HEG1: variants seen among roughly 807,000 people sequenced by gnomAD.
HEG1 encodes heart development protein with EGF like domains 1.
In HEG1, 56 loss-of-function variants were observed where a neutral mutation model predicts 125.6. That is an observed-to-expected ratio of 0.45 (90% CI 0.36 to 0.56). The LOEUF is 0.56. Among genes scored for constraint, HEG1 ranks in the 20% least tolerant of loss-of-function variants. HEG1 has a pLI of 0.00. For missense variants in HEG1, 1,523 were observed against 1,670.0 expected (o/e 0.91, Z 1.53); for synonymous variants, 644 against 668.5 (o/e 0.96, Z 0.57).
intron 5 of HEG1, 92 bp downstream of exon 5, chr3:125,019,170 C>G: frequency 9.2e-7 from 1 of 1,085,288 alleles, no homozygotes; most frequent in Admixed American, 2.1e-5. Flanking sequence ...GCTAGGCCCT[C>G]ATGCGTGGTT....
chr3:125,052,045 G>C (rs1170975440), intron 1 of HEG1, among the ~76,000 whole-genome samples: 1 of 152,120 alleles, frequency 6.6e-6, no homozygotes, highest in Admixed American at 6.5e-5. Flanking sequence ...GTGCACACAG[G>C]CTGAGGAAAG....
intron 15 of HEG1, among the ~76,000 whole-genome samples, chr3:124,974,648 G>T (rs1936503595): frequency 6.6e-6 from 1 of 152,148 alleles, no homozygotes; most frequent in Admixed American, 6.6e-5. Context: ...CAAATTGTTG[G>T]AATCTGTGTT....
At chr3:125,009,164 C>T (rs1025408732) in intron 8 of HEG1, among the ~76,000 whole-genome samples, 2 of 152,218 alleles carry the variant, frequency 1.3e-5, no homozygotes, top group African/African-American at 4.8e-5. Context: ...GTTAGGACAG[C>T]AGCTTTCTCA....
At chr3:125,028,934 G>A (rs1937455684) in intron 2 of HEG1, among the ~76,000 whole-genome samples, 1 of 152,118 alleles carries the variant, frequency 6.6e-6, no homozygotes, top group South Asian at 2.1e-4. Context: ...GGTGTGGCAG[G>A]CTCCCTGGAA....
chr3:125,017,431 T>G (rs933543404), intron 5 of HEG1, among the ~76,000 whole-genome samples: 1 of 152,218 alleles, frequency 6.6e-6, no homozygotes, highest in Non-Finnish European at 1.5e-5. Context: ...ACTAGACATA[T>G]TCAAAGAAGA....
chr3:124,979,277 T>C (rs1484726573), intron 14 of HEG1, among the ~76,000 whole-genome samples: 2 of 152,128 alleles, frequency 1.3e-5, no homozygotes, highest in Non-Finnish European at 2.9e-5. Flanking sequence ...CAGTTCTAGA[T>C]TTTTACTTGA....
intron 5 of HEG1, 62 bp from the exon 6 acceptor site, chr3:125,014,052 C>A: frequency 7.2e-7 from 1 of 1,385,488 alleles, no homozygotes; most frequent in Non-Finnish European, 9.7e-7. Context: ...GAAATATGCA[C>A]TATCAAACAG....
intron 12 of HEG1, among the ~76,000 whole-genome samples, chr3:124,993,361 T>C (rs1936862954): frequency 6.6e-6 from 1 of 152,210 alleles, no homozygotes; most frequent in African/African-American, 2.4e-5. Context: ...TAGAGCATAA[T>C]TGCATCCTGT....
chr3:124,970,618 G>A lies in HEG1; in HGVS notation c.*34C>T. The A allele has an allele frequency of 6.4e-7, 1 of 1,568,050 alleles. No individual in the cohort carries two copies. Among genetic ancestry groups the A allele is most frequent in the Non-Finnish European group, 8.7e-7 (1 of 1,153,924 alleles). ...CTCTGAGCAGAGGTCCCAGGTGACT[G>A]GCTCAGAGCAATGAGTCCCTCTCTC... On this transcript the variant is annotated 3_prime_UTR_variant, in exon 17 of 17. Coordinates refer to ENST00000311127, the MANE Select transcript of HEG1 (RefSeq NM_020733.2).
chr3:124,985,803 A>AGTCTTGC (rs1212573215), intron 14 of HEG1, among the ~76,000 whole-genome samples: 1 of 152,196 alleles, frequency 6.6e-6, no homozygotes, highest in East Asian at 1.9e-4. Flanking sequence ...TTTTTGAGAC[A>AGTCTTGC]GTCTTGCTCT....
chr3:124,993,661 T>C (rs1936868918), intron 12 of HEG1, among the ~76,000 whole-genome samples: 1 of 152,240 alleles, frequency 6.6e-6, no homozygotes. Flanking sequence ...GGCAGGCTGA[T>C]GTCACACCAG....
intron 8 of HEG1, among the ~76,000 whole-genome samples, chr3:125,005,957 T>A (rs946415452): frequency 6.6e-6 from 1 of 152,200 alleles, no homozygotes; most frequent in Non-Finnish European, 1.5e-5. Context: ...TTATCATTGA[T>A]AAAGGGGGCT....
Position 125,020,901 on chromosome 3 carries a change from C to G in HEG1, c.1143G>C (p.Ser381=), listed in dbSNP as rs774359727. ...TCCCAGTTACTCTACTGTTTCTTCT[C>G]GATTCCACTGCAGAGGGTGAAAGAA... ...SVLLSPSAVE[S]RRNSRVTGNP... Residue 381 remains serine (S), a synonymous_variant, in exon 4 of 17, where the codon TCG becomes TCC. Coordinates refer to ENST00000311127, the MANE Select transcript of HEG1 (RefSeq NM_020733.2). 2.5e-6 allele frequency: 4 copies of G among 1,614,002 alleles called. No individual in the cohort carries two copies. The highest frequency in any genetic ancestry group is 8.5e-7 in the Non-Finnish European group (1 of 1,179,886).
At chr3:124,989,279 GAACAAAGAA>G (rs1936791364) in intron 14 of HEG1, among the ~76,000 whole-genome samples, 1 of 152,030 alleles carries the variant, frequency 6.6e-6, no homozygotes, top group Non-Finnish European at 1.5e-5. Context: ...AAACCTTTAC[GAACAAAGAA>G]AACACCACTG....
rs374244555 is a variant in HEG1, at chr3:124,973,854, T to C, written c.3873A>G (p.Gln1291=). 614 of 1,613,044 alleles carry C rather than the reference T, an allele frequency of 3.8e-4. No homozygotes were observed. Among genetic ancestry groups the C allele is most frequent in the Non-Finnish European group, 5.0e-4 (585 of 1,179,382 alleles). Residue 1291 remains glutamine (Q), a synonymous_variant, in exon 16 of 17, where the codon CAA becomes CAG. Transcript: ENST00000311127. ...SKLIFKSGDF[Q]MSPYAEYPKN... is the part of the protein sequence containing the mutation. Reference sequence around the variant, plus strand: ...TGGGGTATTCAGCATACGGGGACATTTGGAAATCTCCACTTTTGAAGATGA... The same window carrying C: ...TGGGGTATTCAGCATACGGGGACATCTGGAAATCTCCACTTTTGAAGATGA...
chr3:125,009,715 T>A lies in HEG1; in HGVS notation c.3183A>T (p.Ile1061=), dbSNP rs1937122945. The A allele has an allele frequency of 1.2e-6, 2 of 1,612,984 alleles. No homozygotes were observed. The highest frequency in any genetic ancestry group is 1.3e-5 in the African/African-American group (1 of 75,052). The change falls in exon 8 of 17, where the codon ATA becomes ATT. Residue 1061 remains isoleucine, a synonymous_variant. Coordinates refer to ENST00000311127, the MANE Select transcript of HEG1 (RefSeq NM_020733.2). ...CPVGYQLEKG[I]CNLVRTFVTE... is the part of the protein sequence containing the mutation. ...GACTAAGTCTCTTACCCAAATTGCA[T>A]ATCCCTTTTTCCAACTGGTACCCAA... is the stretch of plus-strand genomic sequence containing the variant.
intron 1 of HEG1, among the ~76,000 whole-genome samples, chr3:125,036,950 A>G (rs79104416): frequency 0.017 from 2,620 of 152,344 alleles, 70 homozygotes; most frequent in African/African-American, 0.06. Flanking sequence ...CCATTTCTGG[A>G]AATCAGTTCT....
chr3:125,016,647 A>G (rs1937254040), intron 5 of HEG1, among the ~76,000 whole-genome samples: 1 of 152,250 alleles, frequency 6.6e-6, no homozygotes, highest in African/African-American at 2.4e-5. Flanking sequence ...GTATTCTTTC[A>G]TGATAAGCAT....
Position 125,027,313 on chromosome 3 carries a change from C to G in HEG1, c.805G>C (p.Gly269Arg), listed in dbSNP as rs1346553307. Residue 269 changes from glycine to arginine, a missense_variant, in exon 3 of 17, where the codon GGA (glycine) becomes CGA (arginine). Physicochemically the swap from Gly to Arg is moderately radical, Grantham distance 125. Coordinates refer to ENST00000311127, the MANE Select transcript of HEG1 (RefSeq NM_020733.2). Reference protein sequence around the residue: ...SPSFLPALEMGELTTPSRKRN... With the variant: ...SPSFLPALEMRELTTPSRKRN... ...TTCCTAGAAGGCGTGGTCAGCTCTCCCATCTCCAAAGCAGGAAGAAAGGAC... is the reference window on the plus strand; with the variant it reads ...TTCCTAGAAGGCGTGGTCAGCTCTCGCATCTCCAAAGCAGGAAGAAAGGAC... 1 of 1,613,812 alleles carries G rather than the reference C, an allele frequency of 6.2e-7. No individual in the cohort carries two copies. Among genetic ancestry groups the G allele is most frequent in the Non-Finnish European group, 8.5e-7 (1 of 1,179,884 alleles).
Sources: gnomAD v4.1 joint callset for allele counts (sites outside exome capture counted in the v4.1 genomes callset) on GRCh38, gnomAD v4.1.1 for gene constraint, MANE v1.5 for transcripts, NCBI Gene and HGNC (gene_info 2026-07-23, HGNC 2026-07-21) for gene names.